DSCAML1: variants seen among roughly 807,000 people sequenced by gnomAD.
The protein encoded by DSCAML1 is DS cell adhesion molecule like 1, also known as cell adhesion molecule DSCAML1.
Under a neutral mutation model 200.5 loss-of-function variants are expected in DSCAML1, and 38 were observed. That is an observed-to-expected ratio of 0.19 (90% confidence interval 0.15 to 0.25). The LOEUF (loss-of-function observed/expected upper bound fraction) is 0.25. Among genes scored for constraint, DSCAML1 ranks in the 10% least tolerant of loss-of-function variants. The pLI, the probability that DSCAML1 is intolerant of heterozygous loss-of-function variation, is 1.00. For synonymous variants in DSCAML1, 1,215 were observed against 1,165.0 expected, an observed-to-expected ratio of 1.04 and a Z score of -0.87; for missense variants, 2,223 against 2,858.8, an observed-to-expected ratio of 0.78 and a Z score of 5.07.
intron 3 of DSCAML1, among the ~76,000 whole-genome samples, chr11:117,735,856 C>A (rs2054307459): frequency 6.6e-6 from 1 of 152,190 alleles, no homozygotes; most frequent in Non-Finnish European, 1.5e-5. Context: ...CCAACAGATA[C>A]ATTTGCATCA....
chr11:117,615,476 C>A (rs949769895), intron 3 of DSCAML1, among the ~76,000 whole-genome samples: 2 of 152,152 alleles, frequency 1.3e-5, no homozygotes, highest in South Asian at 2.1e-4. Flanking sequence ...TGGAAGCAGA[C>A]ATGACTATAA....
rs919235373 is a variant in DSCAML1, at chr11:117,469,256, C to T, written c.3024+654G>A. On this transcript the variant is annotated intron_variant, in intron 16 of 32. Coordinates refer to ENST00000651296, the MANE Select transcript of DSCAML1 (RefSeq NM_020693.4). This position sits in a 1 kb window ranked among gnomAD's most constrained non-coding sequence, Gnocchi z 4.1. ...TTGGAGACTGGAGGATGCAGTGAGA[C>T]AGGAAGCCCCTGGATTGCCAGCCCT... Among the ~76,000 whole-genome samples the T allele has an allele frequency of 2.6e-5, 4 of 152,150 alleles. No homozygotes were observed. The highest frequency in any genetic ancestry group is 9.7e-5 in the African/African-American group (4 of 41,424).
chr11:117,593,976 G>A (rs1419770292), intron 3 of DSCAML1, among the ~76,000 whole-genome samples: 2 of 152,150 alleles, frequency 1.3e-5, no homozygotes, highest in Non-Finnish European at 2.9e-5. Context: ...GCCTTCCAAA[G>A]TGCTGGGATT....
chr11:117,739,823 A>G (rs1234576841), intron 3 of DSCAML1, among the ~76,000 whole-genome samples: 2 of 152,228 alleles, frequency 1.3e-5, no homozygotes, highest in African/African-American at 4.8e-5. Flanking sequence ...GATCAGAAAC[A>G]GGAGGAGGAG....
chr11:117,666,608 C>A (rs1054028802), intron 3 of DSCAML1, among the ~76,000 whole-genome samples: 4 of 152,320 alleles, frequency 2.6e-5, no homozygotes, highest in Middle Eastern at 6.8e-3. Flanking sequence ...GTCCCACCCC[C>A]AGTTCTGCAG....
intron 3 of DSCAML1, among the ~76,000 whole-genome samples, chr11:117,565,792 A>G (rs1037013356): frequency 6.6e-6 from 1 of 152,160 alleles, no homozygotes; most frequent in Admixed American, 6.5e-5. Flanking sequence ...TGACAGATGC[A>G]TGGCCAGGCT....
chr11:117,810,823 G>C (rs2055754719), intron 1 of DSCAML1, among the ~76,000 whole-genome samples: 1 of 152,102 alleles, frequency 6.6e-6, no homozygotes, highest in South Asian at 2.1e-4. Flanking sequence ...TTACACATCA[G>C]TCCCTTCCTA....
intron 3 of DSCAML1, among the ~76,000 whole-genome samples, chr11:117,553,839 G>T (rs929062215): frequency 6.6e-6 from 1 of 152,238 alleles, no homozygotes; most frequent in African/African-American, 2.4e-5. Context: ...GACTGGAAGA[G>T]GTATTTGTAC....
chr11:117,739,433 C>T (rs1291107294), intron 3 of DSCAML1, among the ~76,000 whole-genome samples: 3 of 152,176 alleles, frequency 2.0e-5, no homozygotes, highest in Admixed American at 6.5e-5. Flanking sequence ...CACACAAGTT[C>T]GAGAACACTG....
chr11:117,644,395 A>G (rs2052477268), intron 3 of DSCAML1, among the ~76,000 whole-genome samples: 2 of 152,200 alleles, frequency 1.3e-5, no homozygotes, highest in African/African-American at 4.8e-5. Context: ...CGAGGTGGGC[A>G]ATGTATCCGA....
intron 3 of DSCAML1, among the ~76,000 whole-genome samples, chr11:117,698,418 AACTGC>A (rs2053618478): frequency 6.6e-6 from 1 of 152,216 alleles, no homozygotes; most frequent in Non-Finnish European, 1.5e-5. Context: ...TGTAAAAAAG[AACTGC>A]ACTGCACTTG....
At chr11:117,494,272 T>C (rs2049249617) in intron 11 of DSCAML1, among the ~76,000 whole-genome samples, 1 of 152,182 alleles carries the variant, frequency 6.6e-6, no homozygotes, top group African/African-American at 2.4e-5. Flanking sequence ...TAGGTCTCCG[T>C]TGCAAGGACT....
chr11:117,481,291 G>T, intron 12 of DSCAML1, 21 bp from the exon 13 acceptor site: 2 of 1,611,986 alleles, frequency 1.2e-6, no homozygotes, highest in Non-Finnish European at 1.7e-6. Context: ...ACCAGCAGGG[G>T]CAGGAGAGGG....
chr11:117,734,772 AC>A (rs2054288668), intron 3 of DSCAML1, among the ~76,000 whole-genome samples: 1 of 152,192 alleles, frequency 6.6e-6, no homozygotes, highest in Non-Finnish European at 1.5e-5. Context: ...TTTGCAGAGT[AC>A]ATGATGAGTG....
At chr11:117,461,681 C>T (rs1399351253) in intron 17 of DSCAML1, 85 bp from the exon 18 acceptor site, 4 of 1,390,582 alleles carry the variant, frequency 2.9e-6, no homozygotes, top group Non-Finnish European at 3.0e-6. Context: ...GGCTGGGTCC[C>T]GCAGTCCAAC....
chr11:117,781,329 GA>G (rs1565281991), intron 1 of DSCAML1, among the ~76,000 whole-genome samples: 1 of 151,152 alleles, frequency 6.6e-6, no homozygotes, highest in South Asian at 2.1e-4. Flanking sequence ...AAAGAAAAGA[GA>G]AAAAAAGAAA....
intron 3 of DSCAML1, among the ~76,000 whole-genome samples, chr11:117,741,831 C>T (rs974049075): frequency 2.6e-5 from 4 of 152,184 alleles, no homozygotes; most frequent in Admixed American, 6.5e-5. Flanking sequence ...CTGAGGGATG[C>T]TGCATGGAGC....
In DSCAML1 at chr11:117,518,959, T is replaced by A. The variant is rs1417100844; in HGVS notation, c.1214-197A>T. 2.6e-5 allele frequency among the ~76,000 whole-genome samples: 4 copies of A among 152,204 alleles called. No homozygotes were observed. The highest frequency in any genetic ancestry group is 9.7e-5 in the African/African-American group (4 of 41,442). On this transcript the variant is annotated intron_variant, in intron 6 of 32. Transcript: ENST00000651296. This position sits in a 1 kb window ranked among gnomAD's most constrained non-coding sequence, Gnocchi z 6.3. ...CTGTACATGGATTCAGGCTGTAGGG[T>A]TTGCATCCTCCCTCAATCACTTATT...
At chr11:117,497,791 T>C (rs753657111) in intron 11 of DSCAML1, among the ~76,000 whole-genome samples, 10 of 152,224 alleles carry the variant, frequency 6.6e-5, no homozygotes, top group Non-Finnish European at 1.2e-4. Flanking sequence ...GAGCAGGTGA[T>C]GGCTCCCAAA....
Sources: allele counts gnomAD v4.1 joint callset (sites outside exome capture counted in the v4.1 genomes callset), GRCh38; gene constraint gnomAD v4.1.1; non-coding constraint Gnocchi (gnomAD v3.1); transcripts MANE v1.5; gene names NCBI Gene and HGNC (gene_info 2026-07-23, HGNC 2026-07-21).